PPM1L: variants seen among roughly 807,000 people sequenced by gnomAD.
PPM1L encodes the protein protein phosphatase 1L.
PPM1L carries 13 observed loss-of-function variants against 31.4 expected under a neutral mutation model. That is an observed-to-expected ratio of 0.41 (90% CI 0.27 to 0.66). The LOEUF (loss-of-function observed/expected upper bound fraction) is 0.66. Ranked by LOEUF, PPM1L falls within the 30% of genes least tolerant of loss-of-function variation. The pLI, the probability that PPM1L is intolerant of heterozygous loss-of-function variation, is 0.29. For missense variants in PPM1L, 326 were observed against 453.7 expected (o/e 0.72, Z 2.56); for synonymous variants, 184 against 175.4 (o/e 1.05, Z -0.39).
Position 161,017,787 on chromosome 3 carries a change from C to T in PPM1L, c.575-47616C>T, listed in dbSNP as rs569674461. ...GCTGCTAAGGTTTCCACTACAAATA[C>T]AAGGAAAAAGTATTGCCGAGGTTGA... On this transcript the variant is annotated intron_variant, in intron 2 of 3. Coordinates refer to ENST00000498165, the MANE Select transcript of PPM1L (RefSeq NM_139245.4). 7.4e-4 allele frequency among the ~76,000 whole-genome samples: 113 copies of T among 152,072 alleles called. 1 individual carries two copies. In the South Asian group the frequency reaches 0.012, roughly 16 times the overall value.
chr3:160,986,304 G>C (rs931473940), intron 2 of PPM1L, among the ~76,000 whole-genome samples: 3 of 152,192 alleles, frequency 2.0e-5, no homozygotes, highest in South Asian at 2.1e-4. Flanking sequence ...GATTGAGGAA[G>C]GAAATGGCAG....
chr3:160,933,376 G>T (rs953853106), intron 1 of PPM1L, among the ~76,000 whole-genome samples: 1 of 151,994 alleles, frequency 6.6e-6, no homozygotes, highest in East Asian at 1.9e-4. Flanking sequence ...TAGAAAACAA[G>T]GCAATTAAAA....
intron 1 of PPM1L, among the ~76,000 whole-genome samples, chr3:160,854,909 G>A (rs1241108770): frequency 1.5e-5 from 2 of 133,134 alleles, no homozygotes; most frequent in Admixed American, 1.5e-4. Flanking sequence ...AGTCCGAATA[G>A]CCAAAACAAT....
chr3:161,034,192 A>G (rs1185399558), intron 2 of PPM1L, among the ~76,000 whole-genome samples: 2 of 152,208 alleles, frequency 1.3e-5, no homozygotes, highest in African/African-American at 4.8e-5. Context: ...TCAGGAAACA[A>G]CAGATGCTGG....
intron 1 of PPM1L, among the ~76,000 whole-genome samples, chr3:160,788,497 T>G (rs1712002063): frequency 6.6e-6 from 1 of 152,110 alleles, no homozygotes; most frequent in Non-Finnish European, 1.5e-5. Context: ...GATTTGCCCT[T>G]TATCATATGT....
chr3:160,835,097 T>TTC (rs1163125880), intron 1 of PPM1L, among the ~76,000 whole-genome samples: 59 of 102,230 alleles, frequency 5.8e-4, no homozygotes, highest in African/African-American at 2.6e-3. Flanking sequence ...TTCTTTTTTC[T>TTC]TTCTTCTTTC....
chr3:160,907,418 T>C (rs934554918), intron 1 of PPM1L, among the ~76,000 whole-genome samples: 10 of 152,240 alleles, frequency 6.6e-5, no homozygotes, highest in Non-Finnish European at 1.2e-4. Context: ...AGAATAACTA[T>C]GCAATTTATG....
intron 1 of PPM1L, among the ~76,000 whole-genome samples, chr3:160,865,753 C>G (rs183597843): frequency 6.6e-6 from 1 of 152,156 alleles, no homozygotes; most frequent in African/African-American, 2.4e-5. Flanking sequence ...CTAACCAGGA[C>G]GACAGAGTGA....
chr3:161,067,215 C>G (rs1295664591), intron 3 of PPM1L, among the ~76,000 whole-genome samples: 1 of 152,206 alleles, frequency 6.6e-6, no homozygotes, highest in Non-Finnish European at 1.5e-5. Context: ...TATGCTTCCT[C>G]TTCTTCCCTG....
intron 1 of PPM1L, among the ~76,000 whole-genome samples, chr3:160,955,478 C>G (rs373908295): frequency 2.1e-4 from 32 of 152,020 alleles, no homozygotes; most frequent in East Asian, 1.9e-3. Flanking sequence ...GGGATTCATG[C>G]GTATTTTTGC....
At chr3:160,937,199 A>G (rs949794569) in intron 1 of PPM1L, among the ~76,000 whole-genome samples, 2 of 152,242 alleles carry the variant, frequency 1.3e-5, no homozygotes, top group Non-Finnish European at 2.9e-5. Flanking sequence ...AGTAAACTCT[A>G]TGAATATATT....
intron 1 of PPM1L, among the ~76,000 whole-genome samples, chr3:160,894,081 C>CATATTGAAAATA (rs1713251128): frequency 6.6e-6 from 1 of 152,086 alleles, no homozygotes; most frequent in Admixed American, 6.6e-5. Context: ...ACATTTTTGA[C>CATATTGAAAATA]TTATGATATT....
At chr3:160,908,956 G>C (rs910212542) in intron 1 of PPM1L, among the ~76,000 whole-genome samples, 2 of 152,164 alleles carry the variant, frequency 1.3e-5, no homozygotes, top group East Asian at 3.8e-4. Flanking sequence ...GGTGGGGTAA[G>C]AATTATTCAA....
At chr3:160,942,956 T>C (rs1715210213) in intron 1 of PPM1L, among the ~76,000 whole-genome samples, 1 of 146,964 alleles carries the variant, frequency 6.8e-6, no homozygotes, top group Non-Finnish European at 1.5e-5. Context: ...AAGGATAGAC[T>C]TTTTTTTTTT....
intron 2 of PPM1L, among the ~76,000 whole-genome samples, chr3:161,002,324 A>G (rs1717520054): frequency 6.6e-6 from 1 of 152,200 alleles, no homozygotes; most frequent in Non-Finnish European, 1.5e-5. Flanking sequence ...TCATAGCAGC[A>G]TGATTTATAG....
At chr3:160,976,607 G>C (rs1356458087) in intron 2 of PPM1L, among the ~76,000 whole-genome samples, 1 of 151,890 alleles carries the variant, frequency 6.6e-6, no homozygotes, top group Non-Finnish European at 1.5e-5. Flanking sequence ...TCTTGGGAGA[G>C]TGTATGTGTC....
At chr3:160,763,849 T>A (rs1375584716) in intron 1 of PPM1L, among the ~76,000 whole-genome samples, 1 of 152,026 alleles carries the variant, frequency 6.6e-6, no homozygotes, top group Non-Finnish European at 1.5e-5. Flanking sequence ...AGGGAGAGGA[T>A]GTGATGGGAG....
intron 1 of PPM1L, among the ~76,000 whole-genome samples, chr3:160,810,324 A>G (rs908806994): frequency 3.3e-5 from 5 of 152,066 alleles, no homozygotes; most frequent in Admixed American, 2.6e-4. Context: ...TCAATTTGCT[A>G]GCTGTTCCTG....
chr3:160,838,777 A>T (rs1056323887), intron 1 of PPM1L, among the ~76,000 whole-genome samples: 20 of 152,154 alleles, frequency 1.3e-4, no homozygotes, highest in African/African-American at 4.1e-4. Flanking sequence ...GATACTGAGG[A>T]TTATGATACA....
Sources: gnomAD v4.1 joint callset for allele counts (sites outside exome capture counted in the v4.1 genomes callset) on GRCh38, gnomAD v4.1.1 for gene constraint, MANE v1.5 for transcripts, NCBI Gene and HGNC (gene_info 2026-07-23, HGNC 2026-07-21) for gene names.